ANKRD11: variants seen among roughly 807,000 people sequenced by gnomAD.
ANKRD11 encodes ankyrin repeat domain-containing protein 11.
ANKRD11 carries 17 observed loss-of-function variants against 195.7 expected under a neutral mutation model. The observed-to-expected ratio is 0.09, with a 90% CI of 0.06 to 0.13. The LOEUF (loss-of-function observed/expected upper bound fraction) is 0.13. Ranked by LOEUF, ANKRD11 falls within the 10% of genes least tolerant of loss-of-function variation. ANKRD11 has a pLI of 1.00. For missense variants in ANKRD11, 3,735 were observed against 3,566.1 expected, an observed-to-expected ratio of 1.05 and a Z score of -1.21; for synonymous variants, 1,953 against 1,528.1, an observed-to-expected ratio of 1.28 and a Z score of -6.49.
chr16:89,313,544 A>G, intron 3 of ANKRD11: 2 of 1,289,214 alleles, frequency 1.6e-6, no homozygotes, highest in Non-Finnish European at 2.0e-6. Context: ...CTCCATTTCC[A>G]TCTTCCACGT....
chr16:89,490,046 C>T (rs1250562634), intron 1 of ANKRD11, among the ~76,000 whole-genome samples, 199 bp downstream of exon 1: 13 of 148,206 alleles, frequency 8.8e-5, no homozygotes, highest in Non-Finnish European at 1.5e-4. Flanking sequence ...ACCCGTAGGC[C>T]CGCTCCGGGA....
At position 89,279,343 on chromosome 16, in the gene ANKRD11, A is replaced by AGCT. The variant is rs1329137643; in HGVS notation, c.7196_7198dup (p.Gln2399dup). On this transcript the variant is annotated inframe_insertion, in exon 9 of 13. Coordinates refer to ENST00000301030, the MANE Select transcript of ANKRD11 (RefSeq NM_013275.6). This position sits in a 1 kb window ranked among gnomAD's most constrained non-coding sequence, Gnocchi z 5.6. ...CCGCGTCTGCTGCGTGGACGTGTTC[A>AGCT]GCTGCTGCTGCAGCTGCTGGGTGGA... 6.2e-7 allele frequency: 1 copy of AGCT among 1,610,688 alleles called. No homozygotes were observed. Among genetic ancestry groups the AGCT allele is most frequent in the Non-Finnish European group, 8.5e-7 (1 of 1,179,392 alleles).
At chr16:89,381,927 C>A (rs1427488131) in intron 2 of ANKRD11, among the ~76,000 whole-genome samples, 3 of 152,208 alleles carry the variant, frequency 2.0e-5, no homozygotes, top group Non-Finnish European at 4.4e-5. Context: ...CAGGCTGTGA[C>A]CTCTCCACGG....
At chr16:89,480,806 G>T (rs538296165) in intron 1 of ANKRD11, among the ~76,000 whole-genome samples, 1 of 152,142 alleles carries the variant, frequency 6.6e-6, no homozygotes, top group African/African-American at 2.4e-5. Flanking sequence ...CACATCTGCC[G>T]AGCTGAGCAG....
intron 1 of ANKRD11, among the ~76,000 whole-genome samples, chr16:89,486,371 G>C (rs1404082874): frequency 6.6e-6 from 1 of 151,392 alleles, no homozygotes; most frequent in East Asian, 1.9e-4. Context: ...AGCTCAGGGA[G>C]TCGAGACTGA....
chr16:89,295,883 G>A (rs2035392174), intron 4 of ANKRD11, among the ~76,000 whole-genome samples: 1 of 103,742 alleles, frequency 9.6e-6, no homozygotes, highest in African/African-American at 3.8e-5. Context: ...GTGATGTGGG[G>A]GGCCTGCAAC....
At position 89,279,381 on chromosome 16, in the gene ANKRD11, G is replaced by A. The variant is rs779428707; in HGVS notation, c.7161C>T (p.Arg2387=). 5.1e-6 allele frequency: 8 copies of A among 1,575,358 alleles called. No homozygotes were observed. The highest frequency in any genetic ancestry group is 1.1e-5 in the South Asian group (1 of 87,070). ...GCTGCTGGGTGGAGCGCTGAAAGCG[G>A]CGTTTGCGCGGATGCTGGGCCTGGG... is the stretch of plus-strand genomic sequence containing the variant. ...DDAQAQHPRK[R]RFQRSTQQLQ... is the part of the protein sequence containing the mutation. The change falls in exon 9 of 13, where the codon CGC becomes CGT. Residue 2387 remains arginine, a synonymous_variant. Transcript: ENST00000301030. This position sits in a 1 kb window ranked among gnomAD's most constrained non-coding sequence, Gnocchi z 5.6.
chr16:89,290,384 G>A (rs1426327886), intron 6 of ANKRD11, among the ~76,000 whole-genome samples: 1 of 39,360 alleles, frequency 2.5e-5, no homozygotes, highest in East Asian at 3.0e-4. Context: ...GGGCTCCAGC[G>A]GGGGAGGCTC....
intron 2 of ANKRD11, among the ~76,000 whole-genome samples, chr16:89,333,058 G>A (rs2038151237): frequency 6.6e-6 from 1 of 152,146 alleles, no homozygotes; most frequent in Non-Finnish European, 1.5e-5. Context: ...GGGAAGAAGG[G>A]CCCCTGTGGG....
intron 2 of ANKRD11, chr16:89,395,987 C>T (rs1490849729): frequency 6.6e-6 from 1 of 152,176 alleles, no homozygotes; most frequent in Non-Finnish European, 1.5e-5. Context: ...ACAGGAAGCA[C>T]CAATCTTCAG....
intron 2 of ANKRD11, among the ~76,000 whole-genome samples, chr16:89,373,887 G>A (rs1161907192): frequency 1.3e-5 from 2 of 152,216 alleles, no homozygotes; most frequent in African/African-American, 4.8e-5. Flanking sequence ...ACACAGAGGT[G>A]GGGCCTGAGT....
chr16:89,480,466 G>A (rs1171825200), intron 1 of ANKRD11, among the ~76,000 whole-genome samples: 6 of 150,860 alleles, frequency 4.0e-5, no homozygotes, highest in Admixed American at 4.0e-4. Context: ...GACAGAGTGA[G>A]ACTCCATCTC....
intron 2 of ANKRD11, among the ~76,000 whole-genome samples, chr16:89,382,967 A>G (rs2040727689): frequency 6.6e-6 from 1 of 152,210 alleles, no homozygotes; most frequent in South Asian, 2.1e-4. Flanking sequence ...CAGCCTCCCG[A>G]GGAGCTGGGA....
At chr16:89,306,498 C>T (rs1321128264) in intron 3 of ANKRD11, among the ~76,000 whole-genome samples, 5 of 82,512 alleles carry the variant, frequency 6.1e-5, no homozygotes, top group South Asian at 4.8e-4. Context: ...CCACCTCCCA[C>T]TCCGCAGACA....
At chr16:89,465,184 G>C (rs2056841220) in intron 1 of ANKRD11, among the ~76,000 whole-genome samples, 1 of 152,172 alleles carries the variant, frequency 6.6e-6, no homozygotes. Context: ...GCGGCCACAA[G>C]GTCTAACTGG....
rs1274874876 is a variant in ANKRD11, at chr16:89,490,348, C to G, written c.-248G>C. The G allele has an allele frequency of 1.3e-5, 2 of 148,894 alleles. No individual in the cohort carries two copies. The highest frequency in any genetic ancestry group is 4.9e-5 in the African/African-American group (2 of 40,778). The allele number at this position is 148,894 out of a possible 1,614,324, so 9.2% of individuals were successfully genotyped here. On this transcript the variant is annotated 5_prime_UTR_variant, in exon 1 of 13. Coordinates refer to ENST00000301030, the MANE Select transcript of ANKRD11 (RefSeq NM_013275.6). ...TTCCCGGGCCGCGCGGCCCGAGCGG[C>G]AAGGCGGCGGCGGCGGCGGCGCGGG...
chr16:89,487,499 G>A (rs1287903789), intron 1 of ANKRD11, among the ~76,000 whole-genome samples: 1 of 152,224 alleles, frequency 6.6e-6, no homozygotes, highest in East Asian at 1.9e-4. Flanking sequence ...AAAGAGGCCG[G>A]GCGCGGTGGC....
intron 2 of ANKRD11, among the ~76,000 whole-genome samples, chr16:89,355,188 A>T (rs1011658453): frequency 6.6e-6 from 1 of 152,094 alleles, no homozygotes; most frequent in Admixed American, 6.5e-5. Context: ...AGGCGAACCT[A>T]TGCTGGTGAT....
intron 2 of ANKRD11, among the ~76,000 whole-genome samples, chr16:89,378,816 C>T (rs1476392837): frequency 4.0e-5 from 6 of 151,498 alleles, no homozygotes; most frequent in African/African-American, 9.7e-5. Context: ...AAACTTCAGG[C>T]GCTGTGGTTT....
Sources: gnomAD v4.1 joint callset for allele counts (sites outside exome capture counted in the v4.1 genomes callset) on GRCh38, gnomAD v4.1.1 for gene constraint, Gnocchi (gnomAD v3.1) non-coding constraint, MANE v1.5 for transcripts, NCBI Gene and HGNC (gene_info 2026-07-23, HGNC 2026-07-21) for gene names.